The following NELL1 variants were observed in gnomAD, a reference collection of about 807,000 sequenced individuals.
The protein encoded by NELL1 is protein kinase C-binding protein NELL1.
NELL1 carries 76 observed loss-of-function variants against 107.4 expected under a neutral mutation model. That is an observed-to-expected ratio of 0.71 (90% CI 0.59 to 0.86). The LOEUF (loss-of-function observed/expected upper bound fraction) is 0.86. Ranked by LOEUF, NELL1 falls within the 40% of genes least tolerant of loss-of-function variation. NELL1 has a pLI of 0.00. For missense variants in NELL1, 1,024 were observed against 1,005.5 expected (o/e 1.02, Z -0.25); for synonymous variants, 353 against 341.2 (o/e 1.03, Z -0.38).
rs1448136099 is a variant in NELL1, at chr11:21,271,253, A to G, written c.1549+41799A>G. Among the ~76,000 whole-genome samples, 5 of 152,176 alleles carry G rather than the reference A, an allele frequency of 3.3e-5. 1 individual carries two copies. On this transcript the variant is annotated intron_variant, in intron 14 of 19. Transcript: ENST00000357134. The stretch of plus-strand genomic sequence containing the variant: ...AAATTGATGAACCTCCAGTCAGGCT[A>G]AGACAAAAAAGAAGGAAGACAAATC...
At chr11:21,005,596 G>T (rs1852311435) in intron 12 of NELL1, among the ~76,000 whole-genome samples, 1 of 152,150 alleles carries the variant, frequency 6.6e-6, no homozygotes, top group African/African-American at 2.4e-5. Context: ...TTCTCTTGTT[G>T]ATAAAGACTG....
intron 5 of NELL1, among the ~76,000 whole-genome samples, chr11:20,915,091 G>A (rs775935688): frequency 3.3e-5 from 5 of 151,982 alleles, no homozygotes; most frequent in Admixed American, 1.3e-4. Context: ...AGGAACTTCA[G>A]GGGATACTAA....
chr11:21,080,659 G>A (rs140773554), intron 12 of NELL1, among the ~76,000 whole-genome samples: 9 of 152,066 alleles, frequency 5.9e-5, no homozygotes, highest in African/African-American at 2.2e-4. Flanking sequence ...GTACCTATCT[G>A]TGCACATGGT....
intron 12 of NELL1, among the ~76,000 whole-genome samples, chr11:21,112,357 T>C (rs1010092960): frequency 4.6e-5 from 7 of 152,232 alleles, no homozygotes; most frequent in Middle Eastern, 3.4e-3. Flanking sequence ...ATGAGTTTCC[T>C]AGTGACTCAA....
intron 2 of NELL1, among the ~76,000 whole-genome samples, chr11:20,738,542 A>G (rs1385182134): frequency 6.6e-6 from 1 of 152,168 alleles, no homozygotes; most frequent in Non-Finnish European, 1.5e-5. Context: ...ACGTTAGAAA[A>G]TTTGATGTTT....
intron 14 of NELL1, among the ~76,000 whole-genome samples, chr11:21,342,413 G>C (rs1413742146): frequency 3.4e-5 from 5 of 146,448 alleles, no homozygotes; most frequent in African/African-American, 1.0e-4. Context: ...GGCTTAAGTG[G>C]GGGGGGGGGT....
chr11:20,849,958 C>T (rs1292623935), intron 4 of NELL1, among the ~76,000 whole-genome samples: 1 of 152,128 alleles, frequency 6.6e-6, no homozygotes, highest in African/African-American at 2.4e-5. Flanking sequence ...CATATAGGTT[C>T]CATGCGGGCA....
At chr11:20,835,470 G>A (rs1352986262) in intron 3 of NELL1, among the ~76,000 whole-genome samples, 1 of 152,160 alleles carries the variant, frequency 6.6e-6, no homozygotes, top group Non-Finnish European at 1.5e-5. Flanking sequence ...AGATAAGTGA[G>A]TGATTTTAAT....
rs151034362 is a variant in NELL1, at chr11:21,451,111, C to T, written c.1645+80163C>T. ...CTGAGGCAGGAGAACGGCGTGAACC[C>T]GGCAGGCTGAGCTTGCAGTAAGCCG... On this transcript the variant is annotated intron_variant, in intron 15 of 19. Transcript: ENST00000357134. 3.4e-5 allele frequency among the ~76,000 whole-genome samples: 5 copies of T among 145,094 alleles called. No homozygotes were observed. The East Asian group carries it at 1.0e-3, about 30-fold the overall frequency.
At chr11:20,986,981 A>G (rs1851866721) in intron 12 of NELL1, among the ~76,000 whole-genome samples, 1 of 152,216 alleles carries the variant, frequency 6.6e-6, no homozygotes, top group Non-Finnish European at 1.5e-5. Context: ...GAAGAATTAT[A>G]TATTTTAAAG....
At chr11:20,830,714 C>A (rs770567010) in intron 3 of NELL1, among the ~76,000 whole-genome samples, 87 of 152,128 alleles carry the variant, frequency 5.7e-4, no homozygotes, top group African/African-American at 1.8e-3. Context: ...CCAAGGTAGA[C>A]AGGGATATAT....
chr11:21,129,454 G>T (rs963157308), intron 13 of NELL1, among the ~76,000 whole-genome samples: 3 of 152,156 alleles, frequency 2.0e-5, no homozygotes, highest in Non-Finnish European at 4.4e-5. Context: ...AGAGATATTT[G>T]CACACTCATA....
chr11:21,227,671 C>T (rs1310562962), intron 13 of NELL1, among the ~76,000 whole-genome samples: 4 of 152,074 alleles, frequency 2.6e-5, no homozygotes, highest in Admixed American at 6.5e-5. Flanking sequence ...TGGAGTGTGC[C>T]GGAGATGACT....
At chr11:21,524,163 T>C (rs2133959455) in intron 15 of NELL1, among the ~76,000 whole-genome samples, 1 of 152,302 alleles carries the variant, frequency 6.6e-6, no homozygotes, top group Admixed American at 6.5e-5. Flanking sequence ...TAAGTAGACC[T>C]TGGTTTAAAT....
At chr11:20,737,254 G>A (rs1204210926) in intron 2 of NELL1, among the ~76,000 whole-genome samples, 4 of 152,038 alleles carry the variant, frequency 2.6e-5, no homozygotes, top group African/African-American at 9.7e-5. Flanking sequence ...AATAACCAGA[G>A]CTCCCTGGGT....
intron 3 of NELL1, among the ~76,000 whole-genome samples, chr11:20,831,849 G>T (rs1261036198): frequency 6.6e-6 from 1 of 152,210 alleles, no homozygotes; most frequent in Non-Finnish European, 1.5e-5. Context: ...AGGTAAATTG[G>T]TTTTTGTCAA....
At chr11:21,350,272 C>A (rs1426246647) in intron 14 of NELL1, among the ~76,000 whole-genome samples, 2 of 151,864 alleles carry the variant, frequency 1.3e-5, no homozygotes, top group Non-Finnish European at 1.5e-5. Context: ...AGTTCCTGAT[C>A]CCAATTTTGA....
intron 12 of NELL1, among the ~76,000 whole-genome samples, chr11:21,078,468 A>G (rs879196252): frequency 2.6e-5 from 4 of 152,314 alleles, no homozygotes; most frequent in Admixed American, 2.6e-4. Flanking sequence ...AAGGCAGAAC[A>G]CATTAAAAAG....
chr11:21,391,760 G>A (rs1484578825), intron 15 of NELL1, among the ~76,000 whole-genome samples: 1 of 151,584 alleles, frequency 6.6e-6, no homozygotes, highest in African/African-American at 2.4e-5. Context: ...TCAACCTCTG[G>A]AGAAACTGGG....
Sources: gnomAD v4.1 joint callset for allele counts (sites outside exome capture counted in the v4.1 genomes callset) on GRCh38, gnomAD v4.1.1 for gene constraint, MANE v1.5 for transcripts, NCBI Gene and HGNC (gene_info 2026-07-23, HGNC 2026-07-21) for gene names.